ZNF804B: variants seen among roughly 807,000 people sequenced by gnomAD.
ZNF804B encodes zinc finger 804B.
A neutral mutation model predicts 101.4 loss-of-function variants in ZNF804B; 80 were observed. The ratio of observed to expected loss-of-function variants is 0.79; its 90% CI spans 0.66 to 0.95. ZNF804B has a LOEUF of 0.95. Among genes scored for constraint, ZNF804B ranks in the 40% least tolerant of loss-of-function variants. ZNF804B has a pLI of 0.00. For missense variants in ZNF804B, 1,673 were observed against 1,561.9 expected, an observed-to-expected ratio of 1.07 and a Z score of -1.20; for synonymous variants, 622 against 558.8, an observed-to-expected ratio of 1.11 and a Z score of -1.59.
intron 1 of ZNF804B, among the ~76,000 whole-genome samples, chr7:89,027,627 T>C (rs543131907): frequency 3.3e-4 from 50 of 152,170 alleles, no homozygotes; most frequent in Non-Finnish European, 5.9e-4. Context: ...CCCTCTCTCA[T>C]TATGTATAGG....
In ZNF804B at chr7:89,193,666, T is replaced by C. The variant is rs374837571; in HGVS notation, c.109-24489T>C. Among the ~76,000 whole-genome samples, 3 of 152,130 alleles carry C rather than the reference T, an allele frequency of 2.0e-5. No individual in the cohort carries two copies. The South Asian group carries it at 6.2e-4, about 32-fold the overall frequency. On this transcript the variant is annotated intron_variant, in intron 1 of 3. Transcript: ENST00000333190. Reference sequence around the variant, plus strand: ...CTCATCATTTTTTATGGCTGCATAGTATTCCATGGTGTATATGTGCCACGT... The same window carrying C: ...CTCATCATTTTTTATGGCTGCATAGCATTCCATGGTGTATATGTGCCACGT...
At chr7:88,799,218 C>G (rs1790541094) in intron 1 of ZNF804B, among the ~76,000 whole-genome samples, 1 of 151,940 alleles carries the variant, frequency 6.6e-6, no homozygotes, top group Non-Finnish European at 1.5e-5. Flanking sequence ...GTAAGCCAGA[C>G]AGAAAGGATT....
chr7:89,209,776 A>C (rs1788774888), intron 1 of ZNF804B, among the ~76,000 whole-genome samples: 2 of 152,178 alleles, frequency 1.3e-5, no homozygotes, highest in South Asian at 4.1e-4. Context: ...TTCACTTTTC[A>C]ATAAATAGTT....
Position 89,218,007 on chromosome 7 carries a change from TA to T in ZNF804B, c.109-144del, listed in dbSNP as rs1788923013. On this transcript the variant is annotated intron_variant, in intron 1 of 3. Transcript: ENST00000333190. ...TGATAAGTTAGGGATGATGCAAAAC[TA>T]AAAGTTATTCTCACAGTGTCATGAA... 1.2e-5 allele frequency: 9 copies of T among 770,780 alleles called. No individual in the cohort carries two copies. The Admixed American group carries it at 2.4e-4, about 21-fold the overall frequency. 47.7% of individuals were successfully genotyped at this position (770,780 alleles called of 1,614,324 possible).
chr7:89,016,525 G>A (rs1484486707), intron 1 of ZNF804B, among the ~76,000 whole-genome samples: 1 of 150,624 alleles, frequency 6.6e-6, no homozygotes, highest in African/African-American at 2.5e-5. Context: ...TAAGGTGTAA[G>A]GAAGGGATCC....
intron 1 of ZNF804B, among the ~76,000 whole-genome samples, chr7:89,149,278 A>G (rs1790835278): frequency 1.3e-5 from 2 of 152,132 alleles, no homozygotes; most frequent in African/African-American, 4.8e-5. Context: ...GATGCCACTC[A>G]TGAACTTACT....
At chr7:89,027,922 G>C (rs2116226444) in intron 1 of ZNF804B, among the ~76,000 whole-genome samples, 1 of 152,200 alleles carries the variant, frequency 6.6e-6, no homozygotes, top group South Asian at 2.1e-4. Context: ...TCATCTCCTT[G>C]TTTGCCTTTT....
At chr7:89,223,840 C>T (rs1365025826) in intron 2 of ZNF804B, among the ~76,000 whole-genome samples, 1 of 151,884 alleles carries the variant, frequency 6.6e-6, no homozygotes, top group East Asian at 1.9e-4. Context: ...TTGGAAACAA[C>T]TCAATATCTT....
intron 1 of ZNF804B, among the ~76,000 whole-genome samples, chr7:88,762,805 A>G (rs1479782914): frequency 1.3e-5 from 2 of 151,920 alleles, no homozygotes; most frequent in Non-Finnish European, 2.9e-5. Context: ...TTTAGTATAG[A>G]GATATTCTTA....
intron 1 of ZNF804B, among the ~76,000 whole-genome samples, chr7:88,907,038 A>G (rs753715862): frequency 6.6e-6 from 1 of 152,042 alleles, no homozygotes; most frequent in African/African-American, 2.4e-5. Flanking sequence ...GTTTTATCTG[A>G]TATAAGAATA....
chr7:89,212,167 T>C (rs1408475938), intron 1 of ZNF804B, among the ~76,000 whole-genome samples: 1 of 151,916 alleles, frequency 6.6e-6, no homozygotes, highest in Non-Finnish European at 1.5e-5. Flanking sequence ...CCTGCCCAAA[T>C]TTCCATCAGG....
At chr7:88,936,709 A>G (rs1179975272) in intron 1 of ZNF804B, among the ~76,000 whole-genome samples, 2 of 152,054 alleles carry the variant, frequency 1.3e-5, no homozygotes, top group African/African-American at 4.8e-5. Context: ...GAGGGAATAG[A>G]AGGAAATTGC....
At chr7:89,107,262 T>C (rs1790149145) in intron 1 of ZNF804B, among the ~76,000 whole-genome samples, 1 of 152,150 alleles carries the variant, frequency 6.6e-6, no homozygotes, top group African/African-American at 2.4e-5. Context: ...ATGATAGTTA[T>C]TTTAATGTGT....
chr7:89,137,400 A>G (rs1418823726), intron 1 of ZNF804B, among the ~76,000 whole-genome samples: 2 of 152,114 alleles, frequency 1.3e-5, no homozygotes, highest in Non-Finnish European at 2.9e-5. Flanking sequence ...TATATGAACA[A>G]TAAGGTCCAG....
chr7:89,333,355 A>T lies in ZNF804B; in HGVS notation c.381-8A>T, dbSNP rs1791015289. 2 of 1,571,400 alleles carry T rather than the reference A, an allele frequency of 1.3e-6. No individual in the cohort carries two copies. Among genetic ancestry groups the T allele is most frequent in the Non-Finnish European group, 1.7e-6 (2 of 1,163,368 alleles). On this transcript the variant is annotated splice_polypyrimidine_tract_variant and splice_region_variant and intron_variant, in intron 3 of 3. Transcript: ENST00000333190. ...TCTTAATCATTTAAATATTTATTGT[A>T]TTTACAGTGTTTCTGGAAATGGACC...
At chr7:88,854,539 C>CCTTCCCTTCCCTTCCCT (rs1554340265) in intron 1 of ZNF804B, among the ~76,000 whole-genome samples, 3 of 73,630 alleles carry the variant, frequency 4.1e-5, no homozygotes, top group Non-Finnish European at 7.0e-5. Flanking sequence ...TCCTTCCTTC[C>CCTTCCCTTCCCTTCCCT]TTCCTTCCTT....
intron 1 of ZNF804B, among the ~76,000 whole-genome samples, chr7:88,807,874 G>A (rs1472677792): frequency 6.6e-6 from 1 of 152,042 alleles, no homozygotes; most frequent in Non-Finnish European, 1.5e-5. Context: ...TAAATATAAG[G>A]CAGTAATTTT....
chr7:88,933,305 A>G (rs1562836048), intron 1 of ZNF804B, among the ~76,000 whole-genome samples: 1 of 151,982 alleles, frequency 6.6e-6, no homozygotes, highest in Non-Finnish European at 1.5e-5. Flanking sequence ...TCAAAGTAAT[A>G]AAAGACATAT....
At chr7:89,183,853 G>A (rs1193787466) in intron 1 of ZNF804B, among the ~76,000 whole-genome samples, 1 of 152,070 alleles carries the variant, frequency 6.6e-6, no homozygotes, top group East Asian at 1.9e-4. Flanking sequence ...ATCTTGTCGG[G>A]AGGCATGAGT....
Sources: gnomAD v4.1 joint callset for allele counts (sites outside exome capture counted in the v4.1 genomes callset) on GRCh38, gnomAD v4.1.1 for gene constraint, MANE v1.5 for transcripts, NCBI Gene and HGNC (gene_info 2026-07-23, HGNC 2026-07-21) for gene names.